PRKG1: variants seen among roughly 807,000 people sequenced by gnomAD.
PRKG1 encodes the protein cGMP-dependent protein kinase 1.
PRKG1 carries 35 observed loss-of-function variants against 88.1 expected under a neutral mutation model. That is an observed-to-expected ratio of 0.40 (90% CI 0.30 to 0.53). The LOEUF (loss-of-function observed/expected upper bound fraction) is 0.53. Ranked by LOEUF, PRKG1 falls within the 20% of genes least tolerant of loss-of-function variation. The pLI is 0.59. For synonymous variants in PRKG1, 303 were observed against 292.5 expected (o/e 1.04, Z -0.37); for missense variants, 540 against 839.8 (o/e 0.64, Z 4.41).
chr10:51,361,198 G>C (rs2132586917), intron 2 of PRKG1, among the ~76,000 whole-genome samples: 1 of 151,976 alleles, frequency 6.6e-6, no homozygotes, highest in East Asian at 1.9e-4. Flanking sequence ...ACCTCCACAG[G>C]TGCCACTGCC....
intron 2 of PRKG1, among the ~76,000 whole-genome samples, chr10:51,198,282 G>A (rs1424455457): frequency 6.6e-6 from 1 of 152,102 alleles, no homozygotes; most frequent in East Asian, 1.9e-4. Flanking sequence ...AACTCCAGCA[G>A]CAGAGGTAGC....
At chr10:51,818,182 TAGATA>T (rs145858066) in intron 4 of PRKG1, among the ~76,000 whole-genome samples, 325 of 152,292 alleles carry the variant, frequency 2.1e-3, no homozygotes, top group African/African-American at 7.6e-3. Flanking sequence ...GCTTTTGTAT[TAGATA>T]AGAAGTCAAA....
intron 4 of PRKG1, among the ~76,000 whole-genome samples, chr10:51,891,097 C>CA (rs10716903): frequency 7.3e-5 from 11 of 151,100 alleles, no homozygotes; most frequent in East Asian, 5.9e-4. Context: ...CCCATCTCTA[C>CA]AAAAAAAAAA....
At chr10:51,698,233 C>G in intron 3 of PRKG1, 1 of 1,614,134 alleles carries the variant, frequency 6.2e-7, no homozygotes, top group Non-Finnish European at 8.5e-7. Flanking sequence ...TCGCACAGGT[C>G]TCCATTCCTC....
intron 5 of PRKG1, among the ~76,000 whole-genome samples, chr10:51,967,704 G>T (rs10508951): frequency 0.11 from 16,590 of 152,038 alleles, 977 homozygotes; most frequent in Admixed American, 0.14. Flanking sequence ...AAATAGCACT[G>T]TCGTTTCCTA....
At chr10:51,487,625 A>G (rs188151680) in intron 3 of PRKG1, among the ~76,000 whole-genome samples, 20 of 148,598 alleles carry the variant, frequency 1.3e-4, no homozygotes, top group Admixed American at 1.2e-3. Flanking sequence ...ACAGAAAAAG[A>G]GAAGGAAGAG....
At chr10:51,110,780 T>C (rs773351216) in intron 1 of PRKG1, among the ~76,000 whole-genome samples, 1 of 152,052 alleles carries the variant, frequency 6.6e-6, no homozygotes, top group Non-Finnish European at 1.5e-5. Context: ...AGGGGTTAAA[T>C]AGAGAATGAA....
intron 1 of PRKG1, among the ~76,000 whole-genome samples, chr10:51,123,456 C>G (rs1845314156): frequency 6.6e-6 from 1 of 152,004 alleles, no homozygotes; most frequent in Non-Finnish European, 1.5e-5. Flanking sequence ...GAGGCCGAGG[C>G]AAATAGATCA....
intron 1 of PRKG1, among the ~76,000 whole-genome samples, chr10:51,135,660 T>C (rs1380612686): frequency 6.6e-6 from 1 of 152,064 alleles, no homozygotes; most frequent in Non-Finnish European, 1.5e-5. Context: ...AATCAGGAAA[T>C]TGATGTTGAT....
At chr10:51,578,980 GTTTTTTTTTTTTTTTTTTTT>G (rs752412264) in intron 3 of PRKG1, among the ~76,000 whole-genome samples, 1 of 77,828 alleles carries the variant, frequency 1.3e-5, no homozygotes, top group Admixed American at 1.4e-4. Context: ...AGTTCTGTTG[GTTTTTTTTTTTTTTTTTTTT>G]TTTTTTTTAG....
chr10:51,735,786 AT>A (rs941094496), intron 3 of PRKG1, among the ~76,000 whole-genome samples: 6 of 147,422 alleles, frequency 4.1e-5, no homozygotes, highest in Admixed American at 2.8e-4. Context: ...TACAGAGGCA[AT>A]TTTTTTTTCA....
At chr10:51,329,618 A>G (rs975676004) in intron 2 of PRKG1, among the ~76,000 whole-genome samples, 5 of 152,238 alleles carry the variant, frequency 3.3e-5, no homozygotes, top group Admixed American at 6.5e-5. Context: ...GTAGGTGGTA[A>G]TGAACCCCCT....
At chr10:51,484,122 A>G (rs923519550) in intron 3 of PRKG1, among the ~76,000 whole-genome samples, 22 of 152,304 alleles carry the variant, frequency 1.4e-4, no homozygotes, top group African/African-American at 5.1e-4. Flanking sequence ...TTAACTTGCT[A>G]ATGATATAAA....
At chr10:51,455,374 A>G (rs1362047287) in intron 2 of PRKG1, among the ~76,000 whole-genome samples, 1 of 152,230 alleles carries the variant, frequency 6.6e-6, no homozygotes, top group Non-Finnish European at 1.5e-5. Flanking sequence ...GGTGATTAAC[A>G]TTTGGCTCCT....
intron 3 of PRKG1, among the ~76,000 whole-genome samples, chr10:51,719,951 CTG>C (rs1841972968): frequency 6.6e-6 from 1 of 152,064 alleles, no homozygotes; most frequent in South Asian, 2.1e-4. Flanking sequence ...GAGATGATAA[CTG>C]TGCCCAGAAG....
At chr10:52,122,844 C>T (rs1847850943) in intron 7 of PRKG1, among the ~76,000 whole-genome samples, 1 of 152,118 alleles carries the variant, frequency 6.6e-6, no homozygotes, top group Admixed American at 6.5e-5. Flanking sequence ...CACGTTTTAA[C>T]ATTTAGGGGA....
At chr10:51,016,587 G>A (rs775599266) in intron 1 of PRKG1, among the ~76,000 whole-genome samples, 5 of 149,678 alleles carry the variant, frequency 3.3e-5, no homozygotes, top group Non-Finnish European at 7.4e-5. Context: ...CTCTATATAA[G>A]GCATTACAGT....
rs188474786 is a variant in PRKG1, at chr10:51,708,674, T to C, written c.593-95911T>C. Reference sequence around the variant, plus strand: ...ATCTGAAGGTCCAGCTTTATTCTGGTGTGTATCTGTGATTCAATTCAGCAT... The same window carrying C: ...ATCTGAAGGTCCAGCTTTATTCTGGCGTGTATCTGTGATTCAATTCAGCAT... On this transcript the variant is annotated intron_variant, in intron 3 of 17. Transcript: ENST00000373980. Among the ~76,000 whole-genome samples, 225 of 152,264 alleles carry C rather than the reference T, an allele frequency of 1.5e-3. 3 individuals carry two copies. Among genetic ancestry groups the C allele is most frequent in the East Asian group, 1.5e-3 (8 of 5,168 alleles).
intron 9 of PRKG1, among the ~76,000 whole-genome samples, chr10:52,217,551 A>T (rs1222056286): frequency 6.6e-6 from 1 of 152,172 alleles, no homozygotes; most frequent in Non-Finnish European, 1.5e-5. Flanking sequence ...TTTAGATTTA[A>T]TTATTCAATA....
Sources: gnomAD v4.1 joint callset for allele counts (sites outside exome capture counted in the v4.1 genomes callset) on GRCh38, gnomAD v4.1.1 for gene constraint, MANE v1.5 for transcripts, NCBI Gene and HGNC (gene_info 2026-07-23, HGNC 2026-07-21) for gene names.